MATN4: variants seen among roughly 807,000 people sequenced by gnomAD.
MATN4 encodes the protein matrilin 4.
A neutral mutation model predicts 54.6 loss-of-function variants in MATN4; 40 were observed. The observed-to-expected ratio is 0.73, with a 90% CI of 0.57 to 0.95. The LOEUF (loss-of-function observed/expected upper bound fraction) is 0.95. Ranked by LOEUF, MATN4 falls within the 40% of genes least tolerant of loss-of-function variation. The pLI is 0.00. For missense variants in MATN4, 810 were observed against 819.1 expected (o/e 0.99, Z 0.13); for synonymous variants, 351 against 345.3 (o/e 1.02, Z -0.18).
chr20:45,301,923 C>T (rs1843789023), intron 3 of MATN4, among the ~76,000 whole-genome samples: 1 of 151,284 alleles, frequency 6.6e-6, no homozygotes, highest in African/African-American at 2.4e-5. Flanking sequence ...TGGGTTGAGG[C>T]TGCCTGTGAA....
intron 3 of MATN4, 68 bp from the exon 4 acceptor site, chr20:45,301,511 A>G: frequency 6.5e-7 from 1 of 1,529,666 alleles, no homozygotes; most frequent in Non-Finnish European, 8.8e-7. Context: ...ACAACCACCT[A>G]AGGAAATTTT....
At chr20:45,299,962 TGG>T (rs1568874320) in intron 6 of MATN4, among the ~76,000 whole-genome samples, 2,570 of 133,826 alleles carry the variant, frequency 0.019, 46 homozygotes, top group African/African-American at 0.049. Flanking sequence ...TTGGTGTGTG[TGG>T]GTGTGTGTGT....
Position 45,305,526 on chromosome 20 carries a change from G to A in MATN4, c.57C>T (p.Thr19=). 3 of 1,556,148 alleles carry A rather than the reference G, an allele frequency of 1.9e-6. No homozygotes were observed. Among genetic ancestry groups the A allele is most frequent in the Non-Finnish European group, 2.6e-6 (3 of 1,149,700 alleles). The change falls in exon 2 of 10, where the codon ACC becomes ACT. Residue 19 remains threonine (T), a synonymous_variant. Transcript: ENST00000372756. ...VLLLLLQPWE[T]QLQLTGPRCH... is the part of the protein sequence containing the mutation. ...CCAGTTCACCTGTCAACTGGAGCTG[G>A]GTTTCCCAGGGCTGAAGAAGGAGCA...
chr20:45,295,498 C>T (rs923025404), intron 8 of MATN4, among the ~76,000 whole-genome samples: 1 of 152,154 alleles, frequency 6.6e-6, no homozygotes, highest in South Asian at 2.1e-4. Flanking sequence ...AGTGATTCTC[C>T]TGCCTCAGCC....
rs527572841 is a variant in MATN4 at position 45,306,951 on chromosome 20, G to A, written c.-35+1224C>T. 1.0e-4 allele frequency: 125 copies of A among 1,253,336 alleles called. 2 individuals carry two copies. The South Asian group carries it at 4.2e-3, about 42-fold the overall frequency. The allele number at this position is 1,253,336 out of a possible 1,614,324, so 77.6% of individuals were successfully genotyped here. A position where few individuals can be genotyped will look rare whatever the true frequency, so the allele number is the denominator to read the frequency against. ...GACCCCGCAGGGGCAGCAGGTGAGC[G>A]CTTACCCTCCCGAGGCCCCGGAGAC... is the stretch of plus-strand genomic sequence containing the variant. On this transcript the variant is annotated intron_variant, in intron 1 of 9. Coordinates refer to ENST00000372756, the MANE Select transcript of MATN4 (RefSeq NM_001393530.1).
At chr20:45,294,096 G>T in intron 8 of MATN4, 81 bp from the exon 9 acceptor site, 2 of 1,098,664 alleles carry the variant, frequency 1.8e-6, no homozygotes, top group Non-Finnish European at 2.7e-6. Flanking sequence ...CTGGGCCTAT[G>T]GTTGAGTATA....
In MATN4 at chr20:45,299,898, A is replaced by AAAAAAAG. The variant is rs60963790; in HGVS notation, c.1012+988_1012+989insCTTTTTT. On this transcript the variant is annotated intron_variant, in intron 6 of 9. Coordinates refer to ENST00000372756, the MANE Select transcript of MATN4 (RefSeq NM_001393530.1). ...GTCTCAAAAAAAAAAAAAAAAAAAA[A>AAAAAAAG]AGTCGAAGAGGGCTTGCTTCCTGTC... 6.1e-5 allele frequency among the ~76,000 whole-genome samples: 6 copies of AAAAAAAG among 98,740 alleles called. 1 individual carries two copies. The highest frequency in any genetic ancestry group is 8.2e-5 in the African/African-American group (2 of 24,378). The allele number at this position is 98,740 out of a possible 152,430, so 64.8% of individuals were successfully genotyped here.
chr20:45,298,062 T>G lies in MATN4; in HGVS notation c.1435A>C (p.Met479Leu). 6.2e-7 allele frequency: 1 copy of G among 1,613,162 alleles called. No individual in the cohort carries two copies. Among genetic ancestry groups the G allele is most frequent in the Non-Finnish European group, 8.5e-7 (1 of 1,179,610 alleles). The change falls in exon 8 of 10, where the codon ATG (methionine) becomes CTG (leucine). Residue 479 changes from methionine to leucine, a missense_variant. By Grantham distance (15) the Met-to-Leu change is conservative. Transcript: ENST00000372756. The surrounding 1 kb of genome is among the most constrained non-coding windows in gnomAD (Gnocchi z 4.6). ...AARAKEEGIV[M>L]YAVGVGKAVE... is the part of the protein sequence containing the mutation. ...GCCTTGCCCACGCCCACGGCGTACA[T>G]GACGATGCCTGCAAGGCCGGGGTCT... is the stretch of plus-strand genomic sequence containing the variant.
upstream of MATN4, chr20:45,308,369 A>G: frequency 1.5e-6 from 1 of 671,910 alleles, no homozygotes; most frequent in Admixed American, 2.3e-5. Flanking sequence ...GCAGGCTGCA[A>G]CCCCTCCCAC....
At position 45,297,998 on chromosome 20, in the gene MATN4, G is replaced by T. The variant is rs1985957091; in HGVS notation, c.1499C>A (p.Ala500Glu). The change falls in exon 8 of 10, where the codon GCG becomes GAG. Residue 500 changes from alanine (A) to glutamate (E), a missense_variant. Transcript: ENST00000372756. ...CGGGGCATAGGACACGTGCAGTTCC[G>T]CTGGCTCCGAGGCGATCTCGCGCAG... ...AELREIASEP[A>E]ELHVSYAPDF... is the part of the protein sequence containing the mutation. 6.2e-7 allele frequency: 1 copy of T among 1,613,968 alleles called. No homozygotes were observed. Among genetic ancestry groups the T allele is most frequent in the Non-Finnish European group, 8.5e-7 (1 of 1,180,022 alleles).
In MATN4 at chr20:45,298,407, A is replaced by T; in HGVS notation, c.1189T>A (p.Phe397Ile). Residue 397 changes from phenylalanine to isoleucine, a missense_variant, in exon 7 of 10, where the codon TTC becomes ATC. Phe to Ile is a conservative substitution (Grantham distance 21). Transcript: ENST00000372756. This position sits in a 1 kb window ranked among gnomAD's most constrained non-coding sequence, Gnocchi z 4.6. ...VQFSSRVRTE[F>I]PLGRYGTAAE... ...GCGGTGCCGTAGCGACCCAGAGGGAACTCGGTGCGCACGCGGCTCGAGAAC... is the reference window on the plus strand; with the variant it reads ...GCGGTGCCGTAGCGACCCAGAGGGATCTCGGTGCGCACGCGGCTCGAGAAC... 6.2e-7 allele frequency: 1 copy of T among 1,612,784 alleles called. No homozygotes were observed. Among genetic ancestry groups the T allele is most frequent in the South Asian group, 1.1e-5 (1 of 90,962 alleles).
chr20:45,305,818 T>TTTTTTTTTTTTTTTTTTTG (rs1184166757), intron 1 of MATN4, among the ~76,000 whole-genome samples: 1 of 129,912 alleles, frequency 7.7e-6, no homozygotes, highest in Non-Finnish European at 1.6e-5. Flanking sequence ...TTTTTTTTTT[T>TTTTTTTTTTTTTTTTTTTG]TTTTAGATAG....
chr20:45,295,544 T>C (rs1985759189), intron 8 of MATN4, among the ~76,000 whole-genome samples: 1 of 152,242 alleles, frequency 6.6e-6, no homozygotes, highest in Non-Finnish European at 1.5e-5. Flanking sequence ...TGTGCCACCA[T>C]GCCCTGCTAA....
chr20:45,303,593 C>A, intron 3 of MATN4: 1 of 641,630 alleles, frequency 1.6e-6, no homozygotes, highest in South Asian at 1.7e-5. Flanking sequence ...GGGATGGGGT[C>A]AGAGGCAGGC....
intron 6 of MATN4, among the ~76,000 whole-genome samples, chr20:45,299,801 C>A (rs1051022888): frequency 2.0e-5 from 3 of 149,564 alleles, no homozygotes; most frequent in Non-Finnish European, 3.0e-5. Context: ...TCAGTTGAGC[C>A]CCAGAGGCAG....
In MATN4 at chr20:45,304,529, T is replaced by C. The variant is rs1308905722; in HGVS notation, c.342A>G (p.Gly114=). ...LVPLAQGTMT[G]LAIQYAMNVA... is the part of the protein sequence containing the mutation. ...CGTTCATGGCGTACTGGATTGCCAG[T>C]CCCGTCATGGTGCCTTGCGCCAGAG... The change falls in exon 3 of 10, where the codon GGA becomes GGG. Residue 114 remains glycine, a synonymous_variant. Coordinates refer to ENST00000372756, the MANE Select transcript of MATN4 (RefSeq NM_001393530.1). 1 of 1,594,420 alleles carries C rather than the reference T, an allele frequency of 6.3e-7. No homozygotes were observed. The highest frequency in any genetic ancestry group is 1.1e-5 in the South Asian group (1 of 90,484).
intron 1 of MATN4, 173 bp downstream of exon 1, chr20:45,308,002 A>C: frequency 1.7e-6 from 1 of 589,838 alleles, no homozygotes; most frequent in Admixed American, 2.9e-5. Context: ...TCCTATTTTG[A>C]TGGCTTTGAG....
At position 45,293,460 on chromosome 20, in the gene MATN4, T is replaced by G. The variant is rs929230341; in HGVS notation, c.*307A>C. The G allele has an allele frequency of 3.0e-6, 1 of 330,114 alleles. No individual in the cohort carries two copies. The allele number at this position is 330,114 out of a possible 1,614,324, so 20.4% of individuals were successfully genotyped here. ...CAAAAACGGACCCCGTGGAAATCAG[T>G]TTTTTTTATTTTTTTAAGAACACAA... On this transcript the variant is annotated 3_prime_UTR_variant, in exon 10 of 10. Transcript: ENST00000372756.
At chr20:45,297,545 C>T (rs1985920386) in intron 8 of MATN4, among the ~76,000 whole-genome samples, 1 of 152,176 alleles carries the variant, frequency 6.6e-6, no homozygotes. Context: ...TGTGGCTCCA[C>T]TTACAAATGC....
Sources: allele counts gnomAD v4.1 joint callset (sites outside exome capture counted in the v4.1 genomes callset), GRCh38; gene constraint gnomAD v4.1.1; non-coding constraint Gnocchi (gnomAD v3.1); transcripts MANE v1.5; gene names NCBI Gene and HGNC (gene_info 2026-07-23, HGNC 2026-07-21).